Variants in PARD3B observed in about 807,000 individuals in gnomAD.
PARD3B encodes partitioning defective 3 homolog B.
A neutral mutation model predicts 130.2 loss-of-function variants in PARD3B; 103 were observed. That is an observed-to-expected ratio of 0.79 (90% confidence interval 0.67 to 0.93). The LOEUF is 0.93. PARD3B is among the 40% of genes least tolerant of loss of function. PARD3B has a pLI of 0.00. For synonymous variants in PARD3B, 583 were observed against 553.2 expected (o/e 1.05, Z -0.76); for missense variants, 1,609 against 1,499.2 (o/e 1.07, Z -1.21).
intron 4 of PARD3B, among the ~76,000 whole-genome samples, chr2:205,051,844 A>G (rs895339961): frequency 2.0e-5 from 3 of 152,234 alleles, no homozygotes; most frequent in Non-Finnish European, 4.4e-5. Flanking sequence ...CCAGACACAC[A>G]GCAAAGAAAT....
chr2:204,858,458 A>G (rs2045045267), intron 2 of PARD3B, among the ~76,000 whole-genome samples: 1 of 151,638 alleles, frequency 6.6e-6, no homozygotes, highest in Admixed American at 6.6e-5. Flanking sequence ...AGCCAGACAC[A>G]GAAAGGAAAA....
chr2:205,290,127 T>C (rs1479499699), intron 16 of PARD3B, among the ~76,000 whole-genome samples: 2 of 152,226 alleles, frequency 1.3e-5, no homozygotes, highest in Non-Finnish European at 2.9e-5. Flanking sequence ...ACAGGTAACA[T>C]GGCTACCATT....
At chr2:204,622,072 A>G (rs988101477) in intron 1 of PARD3B, among the ~76,000 whole-genome samples, 1 of 152,210 alleles carries the variant, frequency 6.6e-6, no homozygotes, top group Non-Finnish European at 1.5e-5. Flanking sequence ...ACAGTTTGTA[A>G]GAGAAATGGA....
At chr2:204,856,764 T>A (rs1236848075) in intron 2 of PARD3B, among the ~76,000 whole-genome samples, 3 of 152,096 alleles carry the variant, frequency 2.0e-5, no homozygotes, top group Non-Finnish European at 1.5e-5. Flanking sequence ...AATATCCCAT[T>A]TTCCCACCAC....
At chr2:204,911,263 G>A (rs555576640) in intron 2 of PARD3B, among the ~76,000 whole-genome samples, 1 of 152,290 alleles carries the variant, frequency 6.6e-6, no homozygotes, top group South Asian at 2.1e-4. Flanking sequence ...TGATGTGCAG[G>A]TGATTCCAGA....
chr2:204,798,428 G>A (rs772680865), intron 2 of PARD3B, among the ~76,000 whole-genome samples: 39 of 152,132 alleles, frequency 2.6e-4, no homozygotes, highest in African/African-American at 8.9e-4. Context: ...AAAGCACTCC[G>A]GGGTTCTAAA....
intron 2 of PARD3B, among the ~76,000 whole-genome samples, chr2:204,901,169 G>A (rs545769655): frequency 2.6e-5 from 4 of 152,136 alleles, no homozygotes; most frequent in Non-Finnish European, 5.9e-5. Flanking sequence ...AGCCAGGCTT[G>A]TGTCCTTCCC....
At chr2:204,631,133 G>T (rs2034664496) in intron 1 of PARD3B, among the ~76,000 whole-genome samples, 1 of 152,028 alleles carries the variant, frequency 6.6e-6, no homozygotes, top group Non-Finnish European at 1.5e-5. Flanking sequence ...CTGAATCCCG[G>T]AGATTCTGGT....
chr2:205,254,130 T>G (rs1263487703), intron 16 of PARD3B, among the ~76,000 whole-genome samples: 1 of 149,792 alleles, frequency 6.7e-6, no homozygotes, highest in Non-Finnish European at 1.5e-5. Context: ...ATGCTCTGAT[T>G]CTAGTGACCA....
intron 4 of PARD3B, among the ~76,000 whole-genome samples, chr2:205,081,730 C>T (rs1575729075): frequency 6.6e-6 from 1 of 151,910 alleles, no homozygotes; most frequent in East Asian, 1.9e-4. Flanking sequence ...TGGTGAAAAT[C>T]GATTTAATTA....
rs147612646 is a variant in PARD3B at position 204,573,077 on chromosome 2, A to G, written c.120+26958A>G. 2.7e-4 allele frequency among the ~76,000 whole-genome samples: 41 copies of G among 152,328 alleles called. 1 individual carries two copies. The East Asian group carries it at 7.5e-3, about 28-fold the overall frequency. On this transcript the variant is annotated intron_variant, in intron 1 of 22. Coordinates refer to ENST00000406610, the MANE Select transcript of PARD3B (RefSeq NM_001302769.2). ...AACATAGGTGACTGAGGACAGCTCAACTTGGCTGGTGGCTATACCATTCAA... is the reference window on the plus strand; with the variant it reads ...AACATAGGTGACTGAGGACAGCTCAGCTTGGCTGGTGGCTATACCATTCAA...
intron 18 of PARD3B, among the ~76,000 whole-genome samples, chr2:205,343,680 C>A (rs1009647148): frequency 7.9e-5 from 12 of 152,188 alleles, no homozygotes; most frequent in Admixed American, 2.0e-4. Flanking sequence ...AGTCCAGTCA[C>A]CCTGGCCTGG....
At chr2:204,733,971 G>T (rs2039632667) in intron 2 of PARD3B, among the ~76,000 whole-genome samples, 1 of 152,098 alleles carries the variant, frequency 6.6e-6, no homozygotes, top group Non-Finnish European at 1.5e-5. Context: ...AACTGCAGAA[G>T]AAAATGATAA....
At chr2:205,526,250 G>A (rs1405150363) in intron 21 of PARD3B, among the ~76,000 whole-genome samples, 2 of 152,094 alleles carry the variant, frequency 1.3e-5, no homozygotes, top group Admixed American at 1.3e-4. Context: ...GTCTGTGGTG[G>A]GATTGTGGAT....
At position 204,890,959 on chromosome 2, in the gene PARD3B, T is replaced by G. The variant is rs1216971558; in HGVS notation, c.223-74193T>G. Among the ~76,000 whole-genome samples, 1 of 152,130 alleles carries G rather than the reference T, an allele frequency of 6.6e-6. No homozygotes were observed. Among genetic ancestry groups the G allele is most frequent in the Non-Finnish European group, 1.5e-5 (1 of 68,008 alleles). On this transcript the variant is annotated intron_variant, in intron 2 of 22. Coordinates refer to ENST00000406610, the MANE Select transcript of PARD3B (RefSeq NM_001302769.2). The surrounding 1 kb of genome is among the most constrained non-coding windows in gnomAD (Gnocchi z 4.9). ...ATCATCCACTGCCTCCATGAGGATA[T>G]TCTAGGAATCTGTATCTAATTACCT... is the stretch of plus-strand genomic sequence containing the variant.
chr2:205,068,094 T>C (rs1306536197), intron 4 of PARD3B, among the ~76,000 whole-genome samples: 1 of 152,108 alleles, frequency 6.6e-6, no homozygotes, highest in East Asian at 1.9e-4. Flanking sequence ...GCAATTTGTG[T>C]TTAGCATTGG....
intron 18 of PARD3B, among the ~76,000 whole-genome samples, chr2:205,387,036 T>G (rs1269819229): frequency 6.6e-6 from 1 of 152,214 alleles, no homozygotes; most frequent in African/African-American, 2.4e-5. Context: ...TTTTGAAATA[T>G]GTTGGTGCTT....
chr2:205,124,804 A>T (rs2031188989), intron 9 of PARD3B, among the ~76,000 whole-genome samples: 1 of 152,176 alleles, frequency 6.6e-6, no homozygotes, highest in Non-Finnish European at 1.5e-5. Context: ...CTAAAAAGTT[A>T]AAAAGTCTTT....
At chr2:205,516,439 A>T (rs2050795578) in intron 21 of PARD3B, among the ~76,000 whole-genome samples, 1 of 151,742 alleles carries the variant, frequency 6.6e-6, no homozygotes, top group African/African-American at 2.4e-5. Context: ...TTCCTTTGTA[A>T]TTGTAATTGT....
Sources: allele counts gnomAD v4.1 joint callset (sites outside exome capture counted in the v4.1 genomes callset), GRCh38; gene constraint gnomAD v4.1.1; non-coding constraint Gnocchi (gnomAD v3.1); transcripts MANE v1.5; gene names NCBI Gene and HGNC (gene_info 2026-07-23, HGNC 2026-07-21).